Variants in EYA2 observed in about 807,000 individuals in gnomAD.
The protein encoded by EYA2 is protein phosphatase EYA2.
Under a neutral mutation model 69.2 loss-of-function variants are expected in EYA2, and 31 were observed. That is an observed-to-expected ratio of 0.45 (90% CI 0.34 to 0.60). The LOEUF is 0.60. EYA2 is among the 20% of genes least tolerant of loss of function. The probability of loss-of-function intolerance (pLI) is 0.02; values close to 1 mark genes in which losing one functional copy is unlikely to be tolerated. For synonymous variants in EYA2, 257 were observed against 279.4 expected, an observed-to-expected ratio of 0.92 and a Z score of 0.80; for missense variants, 622 against 701.2, an observed-to-expected ratio of 0.89 and a Z score of 1.28.
intron 1 of EYA2, among the ~76,000 whole-genome samples, chr20:46,904,005 G>A (rs1244691796): frequency 6.6e-6 from 1 of 152,184 alleles, no homozygotes; most frequent in Non-Finnish European, 1.5e-5. Context: ...GTGTCTATAA[G>A]CTATTGATCA....
At chr20:46,997,263 A>G (rs936978528) in intron 2 of EYA2, among the ~76,000 whole-genome samples, 1 of 152,176 alleles carries the variant, frequency 6.6e-6, no homozygotes, top group African/African-American at 2.4e-5. Context: ...AGAACTTACT[A>G]TCATGAGAAC....
intron 12 of EYA2, among the ~76,000 whole-genome samples, chr20:47,173,550 C>A (rs577576382): frequency 1.2e-4 from 18 of 144,740 alleles, no homozygotes; most frequent in Non-Finnish European, 2.1e-4. Context: ...GGTCTCAGGC[C>A]TCATCCTGGG....
At chr20:47,005,733 G>C (rs1336824844) in intron 4 of EYA2, among the ~76,000 whole-genome samples, 3 of 152,206 alleles carry the variant, frequency 2.0e-5, no homozygotes, top group African/African-American at 7.2e-5. Context: ...AAATGGATGT[G>C]GTGGAGGACG....
At chr20:47,135,126 C>CAAAAAAAAAAAAAAAAAAAAAAA (rs11484435) in intron 9 of EYA2, among the ~76,000 whole-genome samples, 1 of 58,498 alleles carries the variant, frequency 1.7e-5, no homozygotes, top group African/African-American at 6.6e-5. Flanking sequence ...GACTCCATAT[C>CAAAAAAAAAAAAAAAAAAAAAAA]AAAAAAAAAA....
intron 1 of EYA2, among the ~76,000 whole-genome samples, chr20:46,945,555 A>G (rs910473291): frequency 6.6e-6 from 1 of 152,210 alleles, no homozygotes; most frequent in African/African-American, 2.4e-5. Flanking sequence ...GGCTGCTACA[A>G]ATGCTATTAC....
At chr20:46,911,331 T>C (rs1984633829) in intron 1 of EYA2, among the ~76,000 whole-genome samples, 1 of 151,970 alleles carries the variant, frequency 6.6e-6, no homozygotes, top group Non-Finnish European at 1.5e-5. Flanking sequence ...TAGAAGTAAA[T>C]AGGTCCCTGT....
At chr20:47,112,587 C>CA (rs1568785771) in intron 9 of EYA2, among the ~76,000 whole-genome samples, 1 of 152,028 alleles carries the variant, frequency 6.6e-6, no homozygotes, top group East Asian at 1.9e-4. Context: ...CTGCATGGCT[C>CA]AGATAGTCAA....
chr20:47,001,971 A>ACCCAGGCTGGAGTG (rs1359079879), intron 3 of EYA2, among the ~76,000 whole-genome samples: 2 of 146,094 alleles, frequency 1.4e-5, no homozygotes, highest in African/African-American at 5.1e-5. Flanking sequence ...TTGCTCTGTC[A>ACCCAGGCTGGAGTG]CCCAGGCTGG....
chr20:47,093,142 T>C (rs2032135066), intron 8 of EYA2, among the ~76,000 whole-genome samples: 1 of 152,220 alleles, frequency 6.6e-6, no homozygotes, highest in Admixed American at 6.5e-5. Flanking sequence ...AACTATAGTG[T>C]CCTGGCCGTG....
rs746839210 is a variant in EYA2, at chr20:47,001,419, C to T, written c.110-9C>T. On this transcript the variant is annotated splice_polypyrimidine_tract_variant and intron_variant, in intron 2 of 15. Coordinates refer to ENST00000327619, the MANE Select transcript of EYA2 (RefSeq NM_005244.5). ...TAAAACTCTTCCAATTTTTCTTTTT[C>T]TCCTGCAGGCATCACCAAATCGGCC... 6.2e-6 allele frequency: 10 copies of T among 1,614,032 alleles called. No homozygotes were observed. Among genetic ancestry groups the T allele is most frequent in the African/African-American group, 1.3e-5 (1 of 75,038 alleles).
At chr20:47,051,700 T>C (rs2030337593) in intron 5 of EYA2, among the ~76,000 whole-genome samples, 1 of 152,192 alleles carries the variant, frequency 6.6e-6, no homozygotes, top group Non-Finnish European at 1.5e-5. Context: ...ATTTTATATA[T>C]TTATGCACCC....
chr20:47,055,745 C>T (rs940680574), intron 5 of EYA2, among the ~76,000 whole-genome samples: 1 of 152,194 alleles, frequency 6.6e-6, no homozygotes, highest in South Asian at 2.1e-4. Context: ...ATGCCACCTC[C>T]TCTAAGAGGT....
intron 5 of EYA2, among the ~76,000 whole-genome samples, chr20:47,025,493 A>T (rs530885721): frequency 6.6e-6 from 1 of 152,222 alleles, no homozygotes; most frequent in South Asian, 2.1e-4. Context: ...CAATATATAG[A>T]AAGAGCTTCT....
intron 8 of EYA2, among the ~76,000 whole-genome samples, chr20:47,089,646 C>G (rs938269708): frequency 2.0e-5 from 3 of 152,126 alleles, no homozygotes; most frequent in Non-Finnish European, 4.4e-5. Flanking sequence ...GGCCTCAGCC[C>G]AAGAGTTTCC....
At chr20:46,898,778 A>C (rs1380276227) in intron 1 of EYA2, among the ~76,000 whole-genome samples, 2 of 152,112 alleles carry the variant, frequency 1.3e-5, no homozygotes, top group Non-Finnish European at 2.9e-5. Flanking sequence ...GAGGGGCAAG[A>C]CCTTGTTCTT....
chr20:47,187,991 A>C (rs3818013), intron 15 of EYA2, 62 bp from the exon 16 acceptor site: 3 of 1,519,642 alleles, frequency 2.0e-6, no homozygotes, highest in African/African-American at 1.4e-5. Context: ...CTCTAACCAC[A>C]GGCGTGGAAC....
At chr20:46,981,077 CA>C (rs1206861853) in intron 1 of EYA2, among the ~76,000 whole-genome samples, 2 of 152,132 alleles carry the variant, frequency 1.3e-5, no homozygotes, top group African/African-American at 4.8e-5. Context: ...GTTCACCAAA[CA>C]GGAATGATTT....
intron 5 of EYA2, among the ~76,000 whole-genome samples, chr20:47,051,890 C>T (rs1250344380): frequency 6.6e-6 from 1 of 152,186 alleles, no homozygotes; most frequent in East Asian, 1.9e-4. Context: ...AACCACAGCT[C>T]GGGGCTCAGC....
intron 1 of EYA2, among the ~76,000 whole-genome samples, chr20:46,907,851 C>CA (rs1984440190): frequency 6.6e-6 from 1 of 151,798 alleles, no homozygotes; most frequent in African/African-American, 2.4e-5. Context: ...AACAAACAAA[C>CA]AAACAAACAA....
Sources: gnomAD v4.1 joint callset for allele counts (sites outside exome capture counted in the v4.1 genomes callset) on GRCh38, gnomAD v4.1.1 for gene constraint, MANE v1.5 for transcripts, NCBI Gene and HGNC (gene_info 2026-07-23, HGNC 2026-07-21) for gene names.